Variants in SLMAP observed in about 807,000 individuals in gnomAD.
SLMAP encodes the protein sarcolemma associated protein.
SLMAP carries 44 observed loss-of-function variants against 128.8 expected under a neutral mutation model. That is an observed-to-expected ratio of 0.34 (90% CI 0.27 to 0.44). The LOEUF (loss-of-function observed/expected upper bound fraction) is 0.44. Among genes scored for constraint, SLMAP ranks in the 20% least tolerant of loss-of-function variants. SLMAP has a pLI of 1.00. For synonymous variants in SLMAP, 327 were observed against 348.8 expected (o/e 0.94, Z 0.70); for missense variants, 787 against 985.3 (o/e 0.80, Z 2.69).
chr3:57,928,235 TTC>T lies in SLMAP; in HGVS notation c.*949_*950del, dbSNP rs1380083553. 1 of 152,548 alleles carries T rather than the reference TTC, an allele frequency of 6.6e-6. No individual in the cohort carries two copies. Among genetic ancestry groups the T allele is most frequent in the Admixed American group, 6.5e-5 (1 of 15,284 alleles). 9.4% of individuals were successfully genotyped at this position (152,548 alleles called of 1,614,324 possible). The stretch of plus-strand genomic sequence containing the variant: ...ATTTTTCTTTAAAAGCCAAGTTACT[TTC>T]TCATATACAGCATTTTAGGAAGCAT... On this transcript the variant is annotated 3_prime_UTR_variant, in exon 25 of 25. Transcript: ENST00000671191.
chr3:57,876,262 G>T (rs1388019349), intron 14 of SLMAP, among the ~76,000 whole-genome samples: 1 of 152,152 alleles, frequency 6.6e-6, no homozygotes, highest in Non-Finnish European at 1.5e-5. Flanking sequence ...CAATTTGGTT[G>T]TTGGCTCTTT....
At chr3:57,781,065 A>G (rs2082957383) in intron 2 of SLMAP, among the ~76,000 whole-genome samples, 1 of 151,830 alleles carries the variant, frequency 6.6e-6, no homozygotes, top group Non-Finnish European at 1.5e-5. Context: ...ATAATAAGAT[A>G]CAAAAAATAG....
intron 2 of SLMAP, among the ~76,000 whole-genome samples, chr3:57,813,136 C>T: frequency 6.9e-6 from 1 of 144,368 alleles, no homozygotes. Context: ...TGCTCTGTTG[C>T]CCAGGCTGGA....
At chr3:57,818,105 C>T (rs1316972347) in intron 2 of SLMAP, among the ~76,000 whole-genome samples, 1 of 152,056 alleles carries the variant, frequency 6.6e-6, no homozygotes, top group Non-Finnish European at 1.5e-5. Context: ...GCTTAGGAGA[C>T]CCTTTGGCGA....
intron 2 of SLMAP, among the ~76,000 whole-genome samples, chr3:57,761,662 C>A (rs62259027): frequency 0.47 from 71,565 of 151,952 alleles, 17,354 homozygotes; most frequent in South Asian, 0.6. Flanking sequence ...TTTACCTGGG[C>A]GGTCGACAAT....
chr3:57,896,931 AG>A lies in SLMAP; in HGVS notation c.1501+1del, dbSNP rs1446668420. On this transcript the variant is annotated frameshift_variant and splice_region_variant, in exon 17 of 25. Transcript: ENST00000671191. LOFTEE classifies it high-confidence loss of function. ...CTCTTGCCAAAGTGTCCCTTTTAAA[AG>A]GTACTTTAACATGTTTTTATGACAT... ...EPLAKVSLLK[D>X]DLQGAQSEIE... is the part of the protein sequence containing the mutation. 7 of 1,613,302 alleles carry A rather than the reference AG, an allele frequency of 4.3e-6. No individual in the cohort carries two copies. Among genetic ancestry groups the A allele is most frequent in the Non-Finnish European group, 5.9e-6 (7 of 1,179,802 alleles).
At chr3:57,874,874 A>G (rs1188172528) in intron 14 of SLMAP, among the ~76,000 whole-genome samples, 2 of 151,948 alleles carry the variant, frequency 1.3e-5, no homozygotes, top group Non-Finnish European at 2.9e-5. Flanking sequence ...AAAAAAAAAA[A>G]GCTTTTTACT....
At chr3:57,911,830 C>T (rs2096706601) in intron 19 of SLMAP, among the ~76,000 whole-genome samples, 1 of 143,418 alleles carries the variant, frequency 7.0e-6, no homozygotes, top group Admixed American at 7.3e-5. Context: ...AAAGAATTGA[C>T]ATTTGAACAG....
At chr3:57,826,888 T>G (rs2092964009) in intron 2 of SLMAP, among the ~76,000 whole-genome samples, 1 of 152,204 alleles carries the variant, frequency 6.6e-6, no homozygotes, top group Non-Finnish European at 1.5e-5. Flanking sequence ...GCACAGATGC[T>G]GATTCCATGC....
intron 2 of SLMAP, among the ~76,000 whole-genome samples, chr3:57,779,482 C>T (rs1279424065): frequency 2.1e-5 from 3 of 145,948 alleles, no homozygotes; most frequent in Non-Finnish European, 4.5e-5. Flanking sequence ...ACACTCCAGC[C>T]TGGGCAACAG....
At chr3:57,857,224 G>T (rs1577796603) in intron 6 of SLMAP, among the ~76,000 whole-genome samples, 1 of 152,122 alleles carries the variant, frequency 6.6e-6, no homozygotes, top group African/African-American at 2.4e-5. Context: ...AGTACTTTCA[G>T]CCCAACAAAT....
rs144970956 is a variant in SLMAP at position 57,859,185 on chromosome 3, A to G, written c.687+1026A>G. ...CTAAAAGTACAAAAATTAGCTGGACATGGTGGCATGTACCTGTAATCCAAG... is the reference window on the plus strand; with the variant it reads ...CTAAAAGTACAAAAATTAGCTGGACGTGGTGGCATGTACCTGTAATCCAAG... On this transcript the variant is annotated intron_variant, in intron 8 of 24. Transcript: ENST00000671191. Among the ~76,000 whole-genome samples the G allele has an allele frequency of 5.2e-3, 795 of 152,016 alleles. 8 individuals are homozygous for G. Among genetic ancestry groups the G allele is most frequent in the African/African-American group, 0.017 (722 of 41,468 alleles).
rs756336840 is a variant in SLMAP at position 57,841,285 on chromosome 3, T to C, written c.347-14T>C. On this transcript the variant is annotated splice_polypyrimidine_tract_variant and intron_variant, in intron 3 of 24. Transcript: ENST00000671191. ...ACAATTATTTCATCCATATTATTTG[T>C]TTGTTTCAACCAGTTACCCATGGGT... 6.5e-7 allele frequency: 1 copy of C among 1,531,504 alleles called. No homozygotes were observed. Among genetic ancestry groups the C allele is most frequent in the Non-Finnish European group, 9.0e-7 (1 of 1,117,094 alleles). 94.9% of individuals were successfully genotyped at this position (1,531,504 alleles called of 1,614,324 possible). A position where few individuals can be genotyped will look rare whatever the true frequency, so the allele number is the denominator to read the frequency against.
chr3:57,864,975 C>A, intron 12 of SLMAP, 118 bp downstream of exon 12: 1 of 801,296 alleles, frequency 1.2e-6, no homozygotes, highest in East Asian at 2.9e-5. Flanking sequence ...TATAAAGTAT[C>A]TATATTCTTT....
At position 57,907,993 on chromosome 3, in the gene SLMAP, C is replaced by T. The variant is rs893829917; in HGVS notation, c.1611C>T (p.Cys537=). The T allele has an allele frequency of 2.5e-6, 4 of 1,613,296 alleles. No homozygotes were observed. ...QELARTSKQK[C]FELQALLEEE... ...TAGCTAGAACAAGTAAACAAAAATG[C>T]TTTGAACTTCAAGGTGAGATCAAGA... Residue 537 remains cysteine, a synonymous_variant, in exon 18 of 25, where the codon TGC becomes TGT. Coordinates refer to ENST00000671191, the MANE Select transcript of SLMAP (RefSeq NM_001377540.1).
At position 57,831,363 on chromosome 3, in the gene SLMAP, GTT is replaced by G. The variant is rs545721430; in HGVS notation, c.199-16_199-15del. ...TACTATTAATATTTGGCCCTTTTTT[GTT>G]TTTGTTTTTTTTTGCAGTTTTATCT... On this transcript the variant is annotated intron_variant, in intron 2 of 24. Coordinates refer to ENST00000671191, the MANE Select transcript of SLMAP (RefSeq NM_001377540.1). 113 of 1,451,396 alleles carry G rather than the reference GTT, an allele frequency of 7.8e-5. No individual in the cohort carries two copies. In the African/African-American group the frequency reaches 1.5e-3, roughly 20 times the overall value. The allele number at this position is 1,451,396 out of a possible 1,614,324, so 89.9% of individuals were successfully genotyped here. A position where few individuals can be genotyped will look rare whatever the true frequency, so the allele number is the denominator to read the frequency against.
At chr3:57,840,324 C>T (rs765792301) in intron 3 of SLMAP, among the ~76,000 whole-genome samples, 16 of 152,196 alleles carry the variant, frequency 1.1e-4, no homozygotes, top group Admixed American at 8.5e-4. Context: ...TTTACATGTA[C>T]AATTCAGTGA....
chr3:57,809,390 G>A (rs953283523), intron 2 of SLMAP, among the ~76,000 whole-genome samples: 14 of 152,200 alleles, frequency 9.2e-5, no homozygotes, highest in African/African-American at 2.7e-4. Context: ...GTGTGCACAC[G>A]CTCAGGGCAG....
At chr3:57,780,621 A>G (rs757498855) in intron 2 of SLMAP, among the ~76,000 whole-genome samples, 1 of 151,738 alleles carries the variant, frequency 6.6e-6, no homozygotes, top group African/African-American at 2.4e-5. Flanking sequence ...GATTTGTTCA[A>G]TTCTTTGTAG....
Sources: allele counts gnomAD v4.1 joint callset (sites outside exome capture counted in the v4.1 genomes callset), GRCh38; gene constraint gnomAD v4.1.1; transcripts MANE v1.5; gene names NCBI Gene and HGNC (gene_info 2026-07-23, HGNC 2026-07-21).